Variants in MAP2K5 observed in about 807,000 individuals in gnomAD.
MAP2K5 encodes mitogen-activated protein kinase kinase 5.
MAP2K5 carries 49 observed loss-of-function variants against 83.1 expected under a neutral mutation model. That is an observed-to-expected ratio of 0.59 (90% confidence interval 0.47 to 0.75). The LOEUF (loss-of-function observed/expected upper bound fraction) is 0.75. Among genes scored for constraint, MAP2K5 ranks in the 30% least tolerant of loss-of-function variants. The pLI is 0.00. For missense variants in MAP2K5, 457 were observed against 557.5 expected, an observed-to-expected ratio of 0.82 and a Z score of 1.82; for synonymous variants, 202 against 191.8, an observed-to-expected ratio of 1.05 and a Z score of -0.44.
chr15:67,715,874 T>C (rs1042791652), intron 16 of MAP2K5, among the ~76,000 whole-genome samples: 1 of 152,200 alleles, frequency 6.6e-6, no homozygotes. Context: ...CTCTACACTT[T>C]CCTCCTCAAC....
At position 67,769,753 on chromosome 15, in the gene MAP2K5, G is replaced by T. The variant is rs2090107058; in HGVS notation, c.1196+90G>T. The T allele has an allele frequency of 3.8e-6, 5 of 1,318,650 alleles. No individual in the cohort carries two copies. In the East Asian group the frequency reaches 9.4e-5, roughly 25 times the overall value. The allele number at this position is 1,318,650 out of a possible 1,614,324, so 81.7% of individuals were successfully genotyped here. ...TCCGTGAGACCTTATGGCTCTCCCTGCATCCTTTTGGAGACAGGAGGGACT... is the reference window on the plus strand; with the variant it reads ...TCCGTGAGACCTTATGGCTCTCCCTTCATCCTTTTGGAGACAGGAGGGACT... On this transcript the variant is annotated intron_variant, in intron 20 of 21. Transcript: ENST00000178640. The surrounding 1 kb of genome is among the most constrained non-coding windows in gnomAD (Gnocchi z 5.2).
intron 19 of MAP2K5, among the ~76,000 whole-genome samples, chr15:67,752,677 CAAA>C (rs201063917): frequency 8.2e-6 from 1 of 121,502 alleles, no homozygotes; most frequent in African/African-American, 3.1e-5. Context: ...GACACCCTCT[CAAA>C]AAAAAAAAAA....
rs923701718 is a variant in MAP2K5 at position 67,781,867 on chromosome 15, G to A, written c.1242+9115G>A. ...TTAATAGCAGGACTTTCTAATTGTG[G>A]GATTGGTGTGGCATTGACAAAAATT... On this transcript the variant is annotated intron_variant, in intron 21 of 21. Transcript: ENST00000178640. This position sits in a 1 kb window ranked among gnomAD's most constrained non-coding sequence, Gnocchi z 4.0. Among the ~76,000 whole-genome samples, 9 of 152,104 alleles carry A rather than the reference G, an allele frequency of 5.9e-5. No homozygotes were observed. Among genetic ancestry groups the A allele is most frequent in the Admixed American group, 5.2e-4 (8 of 15,280 alleles).
At chr15:67,805,545 C>A (rs879573129) in intron 21 of MAP2K5, among the ~76,000 whole-genome samples, 12 of 152,188 alleles carry the variant, frequency 7.9e-5, no homozygotes, top group Non-Finnish European at 1.0e-4. Flanking sequence ...GAAAGCCCAG[C>A]CTGTGCAGGT....
In MAP2K5 at chr15:67,783,714, A is replaced by G. The variant is rs1351397742; in HGVS notation, c.1242+10962A>G. Reference sequence around the variant, plus strand: ...CAGCCTGAGTAGAATGCTCAAATATATGGTCATTGAATTTAAATGATATGA... The same window carrying G: ...CAGCCTGAGTAGAATGCTCAAATATGTGGTCATTGAATTTAAATGATATGA... On this transcript the variant is annotated intron_variant, in intron 21 of 21. Coordinates refer to ENST00000178640, the MANE Select transcript of MAP2K5 (RefSeq NM_145160.3). The surrounding 1 kb of genome is among the most constrained non-coding windows in gnomAD (Gnocchi z 5.1). Among the ~76,000 whole-genome samples, 1 of 152,174 alleles carries G rather than the reference A, an allele frequency of 6.6e-6. No homozygotes were observed. Among genetic ancestry groups the G allele is most frequent in the Admixed American group, 6.5e-5 (1 of 15,278 alleles).
rs2088777375 is a variant in MAP2K5, at chr15:67,714,413, G to GAA, written c.1044+11005_1044+11006insAA. Among the ~76,000 whole-genome samples the GAA allele has an allele frequency of 3.4e-3, 147 of 42,678 alleles. 64 individuals are homozygous for GAA. The highest frequency in any genetic ancestry group is 0.011 in the African/African-American group (137 of 12,736). 28.0% of individuals were successfully genotyped at this position (42,678 alleles called of 152,430 possible). ...CCCCCCACCCCTACCCAGCTGCCAG[G>GAA]GAAAAAAAAAAAAAAAAAAAAAAAA... On this transcript the variant is annotated intron_variant, in intron 16 of 21. Coordinates refer to ENST00000178640, the MANE Select transcript of MAP2K5 (RefSeq NM_145160.3).
intron 21 of MAP2K5, among the ~76,000 whole-genome samples, chr15:67,789,579 T>G (rs923090890): frequency 7.2e-5 from 11 of 152,046 alleles, no homozygotes; most frequent in Non-Finnish European, 1.3e-4. Context: ...CTGGGTGTGG[T>G]GGGGGGACCC....
rs2085139756 is a variant in MAP2K5, at chr15:67,579,726, A to T, written c.253-1028A>T. 2.7e-5 allele frequency among the ~76,000 whole-genome samples: 4 copies of T among 150,654 alleles called. No homozygotes were observed. The South Asian group carries it at 6.2e-4, about 23-fold the overall frequency. On this transcript the variant is annotated intron_variant, in intron 3 of 21. Coordinates refer to ENST00000178640, the MANE Select transcript of MAP2K5 (RefSeq NM_145160.3). ...AAAAAAAACCCTTGCTCTTGTAATA[A>T]TTTTAATGTACATAAAAGCAATAGG...
At chr15:67,566,906 G>A (rs2084851609) in intron 3 of MAP2K5, among the ~76,000 whole-genome samples, 1 of 152,180 alleles carries the variant, frequency 6.6e-6, no homozygotes. Context: ...TGATACATGT[G>A]ACACGTGGAA....
In MAP2K5 at chr15:67,749,582, A is replaced by C. The variant is rs1278391293; in HGVS notation, c.1134+981A>C. ...AAATAAAGATCCTCCTAGGAAAAAA[A>C]TAAACACACACACACATATCACAAT... On this transcript the variant is annotated intron_variant, in intron 19 of 21. Coordinates refer to ENST00000178640, the MANE Select transcript of MAP2K5 (RefSeq NM_145160.3). The surrounding 1 kb of genome is among the most constrained non-coding windows in gnomAD (Gnocchi z 4.6). Among the ~76,000 whole-genome samples the C allele has an allele frequency of 1.3e-5, 2 of 152,188 alleles. No individual in the cohort carries two copies. The highest frequency in any genetic ancestry group is 2.9e-5 in the Non-Finnish European group (2 of 68,042).
At chr15:67,643,833 A>G (rs1224800696) in intron 9 of MAP2K5, among the ~76,000 whole-genome samples, 1 of 152,162 alleles carries the variant, frequency 6.6e-6, no homozygotes, top group African/African-American at 2.4e-5. Flanking sequence ...TGTCAGGACT[A>G]TAAAATGTAC....
chr15:67,766,916 C>T (rs1009237272), intron 19 of MAP2K5, among the ~76,000 whole-genome samples: 4 of 152,066 alleles, frequency 2.6e-5, no homozygotes, highest in African/African-American at 7.2e-5. Context: ...GAAAATTCTC[C>T]CTTGAGCGAT....
At chr15:67,621,750 G>A (rs573122830) in intron 8 of MAP2K5, among the ~76,000 whole-genome samples, 1 of 152,290 alleles carries the variant, frequency 6.6e-6, no homozygotes, top group African/African-American at 2.4e-5. Flanking sequence ...TGTAAAATGT[G>A]CCTGATGTAG....
In MAP2K5 at chr15:67,573,080, G is replaced by A. The variant is rs2084980988; in HGVS notation, c.253-7674G>A. Among the ~76,000 whole-genome samples, 1 of 152,150 alleles carries A rather than the reference G, an allele frequency of 6.6e-6. No homozygotes were observed. Among genetic ancestry groups the A allele is most frequent in the African/African-American group, 2.4e-5 (1 of 41,430 alleles). On this transcript the variant is annotated intron_variant, in intron 3 of 21. Coordinates refer to ENST00000178640, the MANE Select transcript of MAP2K5 (RefSeq NM_145160.3). The surrounding 1 kb of genome is among the most constrained non-coding windows in gnomAD (Gnocchi z 4.2). ...TCAGGACATTCCTGAACCTGGGTAT[G>A]TTTAGTAAACGTTATCAATCTGTTC...
At position 67,577,870 on chromosome 15, in the gene MAP2K5, G is replaced by A. The variant is rs375769576; in HGVS notation, c.253-2884G>A. ...ACAAAAATTAGCCGGGCCAGTGGTG[G>A]GTGCCTGTAATCCCAGCTACTTGGG... On this transcript the variant is annotated intron_variant, in intron 3 of 21. Transcript: ENST00000178640. The surrounding 1 kb of genome is among the most constrained non-coding windows in gnomAD (Gnocchi z 4.1). Among the ~76,000 whole-genome samples, 38 of 152,154 alleles carry A rather than the reference G, an allele frequency of 2.5e-4. 1 individual carries two copies. The highest frequency in any genetic ancestry group is 2.1e-3 in the Admixed American group (32 of 15,278).
chr15:67,803,785 T>C (rs936698532), intron 21 of MAP2K5, among the ~76,000 whole-genome samples: 2 of 152,214 alleles, frequency 1.3e-5, no homozygotes, highest in Non-Finnish European at 2.9e-5. Flanking sequence ...CACCTCTGGC[T>C]AGGCAGGCCT....
intron 11 of MAP2K5, among the ~76,000 whole-genome samples, chr15:67,647,314 A>C: frequency 6.6e-6 from 1 of 152,222 alleles, no homozygotes; most frequent in East Asian, 1.9e-4. Flanking sequence ...AAAATTAAAA[A>C]TCTTACAGCC....
rs1377210832 is a variant in MAP2K5, at chr15:67,806,879, CCT to C, written c.*132_*133del. The C allele has an allele frequency of 3.5e-5, 56 of 1,594,590 alleles. No individual in the cohort carries two copies. Among genetic ancestry groups the C allele is most frequent in the Non-Finnish European group, 4.7e-5 (55 of 1,178,214 alleles). On this transcript the variant is annotated 3_prime_UTR_variant, in exon 22 of 22. Coordinates refer to ENST00000178640, the MANE Select transcript of MAP2K5 (RefSeq NM_145160.3). ...CCTGGCTTCCCTGCCCTCGCCTTCA[CCT>C]CTGTCAGCAGGTGGCCTTGCCTGGG...
At chr15:67,598,845 TTGAG>T (rs1469000794) in intron 7 of MAP2K5, among the ~76,000 whole-genome samples, 2 of 152,224 alleles carry the variant, frequency 1.3e-5, no homozygotes, top group African/African-American at 4.8e-5. Flanking sequence ...ATTTGTGTAC[TTGAG>T]TGAGTGAAAT....
Sources: gnomAD v4.1 joint callset for allele counts (sites outside exome capture counted in the v4.1 genomes callset) on GRCh38, gnomAD v4.1.1 for gene constraint, Gnocchi (gnomAD v3.1) non-coding constraint, MANE v1.5 for transcripts, NCBI Gene and HGNC (gene_info 2026-07-23, HGNC 2026-07-21) for gene names.